Variants in CNNM2 observed in about 807,000 individuals in gnomAD.
CNNM2 encodes the protein metal transporter CNNM2.
In CNNM2, 12 loss-of-function variants were observed where a neutral mutation model predicts 66.9. That is an observed-to-expected ratio of 0.18 (90% CI 0.11 to 0.29). The LOEUF (loss-of-function observed/expected upper bound fraction) is 0.29, where lower values mean the gene tolerates loss of function less well. CNNM2 is among the 10% of genes least tolerant of loss of function. The pLI is 1.00. For synonymous variants in CNNM2, 557 were observed against 501.8 expected, an observed-to-expected ratio of 1.11 and a Z score of -1.47; for missense variants, 705 against 1,167.7, an observed-to-expected ratio of 0.60 and a Z score of 5.77.
At position 102,962,690 on chromosome 10, in the gene CNNM2, C is replaced by CTGTGTGTGTG. The variant is rs10580172; in HGVS notation, c.1621+42621_1621+42630dup. ...GGGAGAATTCTCACAATATGATATA[C>CTGTGTGTGTG]TGTGTGTGTGTGTGTGTGTGTGTGT... On this transcript the variant is annotated intron_variant, in intron 1 of 7. Transcript: ENST00000369878. 5.3e-3 allele frequency among the ~76,000 whole-genome samples: 757 copies of CTGTGTGTGTG among 143,888 alleles called. 3 individuals carry two copies. Among genetic ancestry groups the CTGTGTGTGTG allele is most frequent in the East Asian group, 0.011 (56 of 4,894 alleles). The allele number at this position is 143,888 out of a possible 152,430, so 94.4% of individuals were successfully genotyped here.
intron 1 of CNNM2, among the ~76,000 whole-genome samples, chr10:103,037,998 C>A (rs1187110319): frequency 6.6e-6 from 1 of 152,070 alleles, no homozygotes; most frequent in Non-Finnish European, 1.5e-5. Flanking sequence ...TACCACCATA[C>A]CCAGCTAATT....
chr10:102,942,549 T>C (rs1194256445), intron 1 of CNNM2, among the ~76,000 whole-genome samples: 5 of 152,256 alleles, frequency 3.3e-5, no homozygotes, highest in Non-Finnish European at 7.3e-5. Context: ...TGCCACATTT[T>C]GTTTATCCAT....
intron 1 of CNNM2, among the ~76,000 whole-genome samples, chr10:102,932,129 C>T (rs927959853): frequency 1.3e-5 from 2 of 151,864 alleles, no homozygotes; most frequent in South Asian, 2.1e-4. Flanking sequence ...TGCTATATGT[C>T]GTCTTTTTAC....
Position 102,964,302 on chromosome 10 carries a change from C to T in CNNM2, c.1621+44201C>T, listed in dbSNP as rs1002573168. Among the ~76,000 whole-genome samples, 51 of 151,676 alleles carry T rather than the reference C, an allele frequency of 3.4e-4. 1 individual carries two copies. The highest frequency in any genetic ancestry group is 1.1e-3 in the African/African-American group (45 of 41,252). The stretch of plus-strand genomic sequence containing the variant: ...GGAGTGCAGTGGCACCATCTCGGCT[C>T]ACTGCAGCCTCCACCTCCCAGGTTC... On this transcript the variant is annotated intron_variant, in intron 1 of 7. Transcript: ENST00000369878.
intron 1 of CNNM2, among the ~76,000 whole-genome samples, chr10:102,999,156 C>T (rs551698519): frequency 5.3e-5 from 8 of 151,162 alleles, no homozygotes; most frequent in South Asian, 2.1e-4. Flanking sequence ...CTGCAAGCTC[C>T]GCCTCCTGGG....
At chr10:102,990,170 T>G (rs1301323834) in intron 1 of CNNM2, among the ~76,000 whole-genome samples, 5 of 152,162 alleles carry the variant, frequency 3.3e-5, no homozygotes, top group Non-Finnish European at 7.4e-5. Context: ...TTCATTATGT[T>G]GGCCAGGCTG....
chr10:103,051,467 A>ATGG (rs772117968), intron 2 of CNNM2, among the ~76,000 whole-genome samples: 1 of 151,800 alleles, frequency 6.6e-6, no homozygotes, highest in South Asian at 2.1e-4. Context: ...GTCACTGGGC[A>ATGG]TGGTGGCTCA....
At chr10:103,043,461 A>T (rs925179122) in intron 1 of CNNM2, among the ~76,000 whole-genome samples, 1 of 152,238 alleles carries the variant, frequency 6.6e-6, no homozygotes, top group African/African-American at 2.4e-5. Flanking sequence ...TGGCTTAATC[A>T]TAATAAAAAC....
chr10:102,961,816 T>A (rs1349469752), intron 1 of CNNM2, among the ~76,000 whole-genome samples: 2 of 151,948 alleles, frequency 1.3e-5, no homozygotes, highest in African/African-American at 4.8e-5. Flanking sequence ...ATCCCAGCAG[T>A]TTGAGAGGCT....
intron 1 of CNNM2, among the ~76,000 whole-genome samples, chr10:102,933,748 C>T (rs1022660268): frequency 2.0e-5 from 3 of 152,044 alleles, no homozygotes; most frequent in African/African-American, 2.4e-5. Context: ...CACATAAATA[C>T]GTATTAACTG....
In CNNM2 at chr10:103,056,755, C is replaced by G. The variant is rs746632414; in HGVS notation, c.1904-40C>G. On this transcript the variant is annotated intron_variant, in intron 3 of 7. Coordinates refer to ENST00000369878, the MANE Select transcript of CNNM2 (RefSeq NM_017649.5). ...TATTAATAGTATAATTTTTCTCTCT[C>G]TGTTTGAAATGTAATATCAAGTTGT... is the stretch of plus-strand genomic sequence containing the variant. 1.6e-5 allele frequency: 25 copies of G among 1,576,766 alleles called. No homozygotes were observed. In the Admixed American group the frequency reaches 3.2e-4, roughly 20 times the overall value.
At chr10:102,946,968 G>T (rs1427413154) in intron 1 of CNNM2, among the ~76,000 whole-genome samples, 1 of 152,112 alleles carries the variant, frequency 6.6e-6, no homozygotes, top group Non-Finnish European at 1.5e-5. Context: ...ATACAATTCT[G>T]CATGTATCTG....
intron 1 of CNNM2, among the ~76,000 whole-genome samples, chr10:103,030,416 A>T (rs2064800851): frequency 6.6e-6 from 1 of 152,192 alleles, no homozygotes; most frequent in Non-Finnish European, 1.5e-5. Context: ...GATGGAGACT[A>T]TGAAATAATC....
intron 4 of CNNM2, among the ~76,000 whole-genome samples, chr10:103,064,668 G>A (rs1014931386): frequency 3.9e-5 from 6 of 152,114 alleles, no homozygotes; most frequent in African/African-American, 9.7e-5. Flanking sequence ...GTGAGACCCC[G>A]TCTCTATAAA....
chr10:103,066,245 T>A (rs1372958524), intron 4 of CNNM2, among the ~76,000 whole-genome samples: 1 of 152,138 alleles, frequency 6.6e-6, no homozygotes. Context: ...AGTCACGGGC[T>A]GAGCTTCGGT....
At chr10:102,920,253 G>A in intron 1 of CNNM2, 152 bp downstream of exon 1, 1 of 1,514,306 alleles carries the variant, frequency 6.6e-7, no homozygotes, top group Non-Finnish European at 9.0e-7. Flanking sequence ...GGGTGGCGTG[G>A]ATTTGGGGAT....
intron 1 of CNNM2, among the ~76,000 whole-genome samples, chr10:102,995,143 T>TTCC (rs201555539): frequency 1.7e-5 from 1 of 57,430 alleles, no homozygotes; most frequent in African/African-American, 6.6e-5. Context: ...CTTCTTATTC[T>TTCC]TCCTCCTCCC....
intron 1 of CNNM2, among the ~76,000 whole-genome samples, chr10:102,926,611 G>A (rs561264672): frequency 6.6e-6 from 1 of 152,054 alleles, no homozygotes; most frequent in African/African-American, 2.4e-5. Flanking sequence ...GTGCTAGCTA[G>A]CATAGCTCAC....
At chr10:102,932,861 G>A (rs903128394) in intron 1 of CNNM2, among the ~76,000 whole-genome samples, 2 of 148,772 alleles carry the variant, frequency 1.3e-5, no homozygotes, top group South Asian at 2.1e-4. Flanking sequence ...AGGTTGCAAT[G>A]AGCTGAGATT....
Sources: allele counts gnomAD v4.1 joint callset (sites outside exome capture counted in the v4.1 genomes callset), GRCh38; gene constraint gnomAD v4.1.1; transcripts MANE v1.5; gene names NCBI Gene and HGNC (gene_info 2026-07-23, HGNC 2026-07-21).